LRRC26: variants seen among roughly 807,000 people sequenced by gnomAD.
LRRC26 encodes leucine-rich repeat-containing protein 26.
Under a neutral mutation model 15.3 loss-of-function variants are expected in LRRC26, and 17 were observed. That is an observed-to-expected ratio of 1.11 (90% CI 0.76 to 1.66). The LOEUF (loss-of-function observed/expected upper bound fraction) is 1.66, where lower values mean the gene tolerates loss of function less well. Among genes scored for constraint, LRRC26 ranks in the 40% most tolerant of loss-of-function variants. The probability of loss-of-function intolerance (pLI) is 0.00; values close to 1 mark genes in which losing one functional copy is unlikely to be tolerated. For missense variants in LRRC26, 573 were observed against 501.0 expected, an observed-to-expected ratio of 1.14 and a Z score of -1.37; for synonymous variants, 301 against 272.1, an observed-to-expected ratio of 1.11 and a Z score of -1.05.
chr9:137,169,632 C>G lies in LRRC26; in HGVS notation c.312G>C (p.Glu104Asp), dbSNP rs1005848011. The change falls in exon 1 of 2, where the codon GAG (glutamate) becomes GAC (aspartate). Residue 104 changes from glutamate to aspartate, a missense_variant. Coordinates refer to ENST00000371542, the MANE Select transcript of LRRC26 (RefSeq NM_001013653.3). The part of the protein sequence containing the change: ...AGALQRLDLR[E>D]NGLHSVHVRA... The stretch of plus-strand genomic sequence containing the variant: ...GCACATGCACCGAGTGCAGCCCGTT[C>G]TCGCGCAGGTCCAGGCGCTGTAGCG... 6 of 1,514,458 alleles carry G rather than the reference C, an allele frequency of 4.0e-6. No individual in the cohort carries two copies. The highest frequency in any genetic ancestry group is 2.9e-5 in the African/African-American group (2 of 69,648). 93.8% of individuals were successfully genotyped at this position (1,514,458 alleles called of 1,614,324 possible). A position where few individuals can be genotyped will look rare whatever the true frequency, so the allele number is the denominator to read the frequency against.
At position 137,169,524 on chromosome 9, in the gene LRRC26, C is replaced by T. The variant is rs1049773301; in HGVS notation, c.420G>A (p.Ala140=). Residue 140 remains alanine, a synonymous_variant, in exon 1 of 2, where the codon GCG becomes GCA. Coordinates refer to ENST00000371542, the MANE Select transcript of LRRC26 (RefSeq NM_001013653.3). ...AGAGGTTGCGCAGCGCGCGCAGCGGCGCGAAAGTCCCTGGTGCCAGTGCTT... is the reference window on the plus strand; with the variant it reads ...AGAGGTTGCGCAGCGCGCGCAGCGGTGCGAAAGTCCCTGGTGCCAGTGCTT... ...QLEALAPGTF[A]PLRALRNLSL... is the part of the protein sequence containing the mutation. The T allele has an allele frequency of 1.0e-5, 16 of 1,523,866 alleles. No homozygotes were observed. The African/African-American group carries it at 1.7e-4, about 16-fold the overall frequency. The allele number at this position is 1,523,866 out of a possible 1,614,324, so 94.4% of individuals were successfully genotyped here. A position where few individuals can be genotyped will look rare whatever the true frequency, so the allele number is the denominator to read the frequency against.
Position 137,169,040 on chromosome 9 carries a change from G to A in LRRC26, c.819C>T (p.Phe273=). The A allele has an allele frequency of 2.0e-6, 3 of 1,536,502 alleles. No homozygotes were observed. The highest frequency in any genetic ancestry group is 1.2e-5 in the South Asian group (1 of 82,554). ...CCAGGCAGGAAGCCAGGCTGACGAG[G>A]AAGGAGGCCGGCCCGAGCGTGTAAA... is the stretch of plus-strand genomic sequence containing the variant. ...AVVYTLGPAS[F]LVSLASCLAL... is the part of the protein sequence containing the mutation. The change falls in exon 2 of 2, where the codon TTC becomes TTT. Residue 273 remains phenylalanine, a synonymous_variant. Transcript: ENST00000371542.
In LRRC26 at chr9:137,169,050, G is replaced by A; in HGVS notation, c.809C>T (p.Pro270Leu). The stretch of plus-strand genomic sequence containing the variant: ...AGCCAGGCTGACGAGGAAGGAGGCC[G>A]GCCCGAGCGTGTAAACCACGGCCAG... ...RDLAVVYTLG[P>L]ASFLVSLASC... Residue 270 changes from proline (P) to leucine (L), a missense_variant, in exon 2 of 2, where the codon CCG becomes CTG. Coordinates refer to ENST00000371542, the MANE Select transcript of LRRC26 (RefSeq NM_001013653.3). 6.5e-7 allele frequency: 1 copy of A among 1,544,420 alleles called. No homozygotes were observed.
chr9:137,169,946 G>T lies in LRRC26; in HGVS notation c.-3C>A. The T allele has an allele frequency of 7.0e-7, 1 of 1,425,314 alleles. No homozygotes were observed. The highest frequency in any genetic ancestry group is 1.5e-5 in the South Asian group (1 of 68,238). 88.3% of individuals were successfully genotyped at this position (1,425,314 alleles called of 1,614,324 possible). A position where few individuals can be genotyped will look rare whatever the true frequency, so the allele number is the denominator to read the frequency against. On this transcript the variant is annotated 5_prime_UTR_variant, in exon 1 of 2. Transcript: ENST00000371542. The stretch of plus-strand genomic sequence containing the variant: ...CGCGACCAGGAAGGGCCCCGCATGG[G>T]GGCAGCCCCCCCGCCCCCGGCACCC...
In LRRC26 at chr9:137,168,801, G is replaced by C; in HGVS notation, c.*53C>G. The stretch of plus-strand genomic sequence containing the variant: ...TGTTGACGCCGGCAGACAGTGTAAA[G>C]GGAGGGCAAAGGCATGGGGGAAGCT... On this transcript the variant is annotated 3_prime_UTR_variant, in exon 2 of 2. Transcript: ENST00000371542. 2 of 1,190,190 alleles carry C rather than the reference G, an allele frequency of 1.7e-6. No homozygotes were observed. Among genetic ancestry groups the C allele is most frequent in the Non-Finnish European group, 1.0e-6 (1 of 953,592 alleles). 73.7% of individuals were successfully genotyped at this position (1,190,190 alleles called of 1,614,324 possible).
Position 137,169,801 on chromosome 9 carries a change from G to A in LRRC26, c.143C>T (p.Thr48Met), listed in dbSNP as rs887531111. 4 of 1,407,256 alleles carry A rather than the reference G, an allele frequency of 2.8e-6. No homozygotes were observed. The highest frequency in any genetic ancestry group is 1.5e-5 in the South Asian group (1 of 64,574). The allele number at this position is 1,407,256 out of a possible 1,614,324, so 87.2% of individuals were successfully genotyped here. Residue 48 changes from threonine (T) to methionine (M), a missense_variant, in exon 1 of 2, where the codon ACG (threonine) becomes ATG (methionine). Thr to Met is a moderately conservative substitution (Grantham distance 81). Transcript: ENST00000371542. ...LGAPDCPEVCTCVPGGLASCS... is the reference protein window; with the variant it reads ...LGAPDCPEVCMCVPGGLASCS... ...GCTGGCCAGGCCTCCCGGCACGCAC[G>A]TGCACACCTCGGGGCAGTCCGGGGC... is the stretch of plus-strand genomic sequence containing the variant.
At position 137,169,070 on chromosome 9, in the gene LRRC26, G is replaced by C. The variant is rs749691407; in HGVS notation, c.789C>G (p.Ala263=). ...CAQPLALRDL[A]VVYTLGPASF... ...AGGCCGGCCCGAGCGTGTAAACCAC[G>C]GCCAGGTCCCGCAGGGCGAGCGGCT... The change falls in exon 2 of 2, where the codon GCC becomes GCG. Residue 263 remains alanine, a synonymous_variant. Coordinates refer to ENST00000371542, the MANE Select transcript of LRRC26 (RefSeq NM_001013653.3). The C allele has an allele frequency of 1.8e-5, 28 of 1,557,164 alleles. No individual in the cohort carries two copies. In the African/African-American group the frequency reaches 3.7e-4, roughly 20 times the overall value.
rs1426507371 is a variant in LRRC26, at chr9:137,169,867, G to T, written c.77C>A (p.Ala26Asp). The change falls in exon 1 of 2, where the codon GCC becomes GAC. Residue 26 changes from alanine (A) to aspartate (D), a missense_variant. Ala to Asp is a moderately radical substitution (Grantham distance 126). Transcript: ENST00000371542. Reference sequence around the variant, plus strand: ...GGGCGAGGCCGTGGCCGACACCTGGGCCCAGACAGGCCAAGGCGACAGCAG... The same window carrying T: ...GGGCGAGGCCGTGGCCGACACCTGGTCCCAGACAGGCCAAGGCGACAGCAG... ...LLLLSPWPVWAQVSATASPSG... is the reference protein window; with the variant it reads ...LLLLSPWPVWDQVSATASPSG... 6.7e-7 allele frequency: 1 copy of T among 1,481,580 alleles called. No individual in the cohort carries two copies. Among genetic ancestry groups the T allele is most frequent in the Middle Eastern group, 2.2e-4 (1 of 4,624 alleles). The allele number at this position is 1,481,580 out of a possible 1,614,324, so 91.8% of individuals were successfully genotyped here.
chr9:137,169,716 C>T lies in LRRC26; in HGVS notation c.228G>A (p.Leu76=). ...CACGGACGCGGTTGTGGTCCAGCAG[C>T]AGCGCGCGCAGGCGCAGGCTCAGGC... is the stretch of plus-strand genomic sequence containing the variant. ...PPGLSLRLRA[L]LLDHNRVRAL... Residue 76 remains leucine (L), a synonymous_variant, in exon 1 of 2, where the codon CTG becomes CTA. Transcript: ENST00000371542. The T allele has an allele frequency of 6.8e-7, 1 of 1,467,010 alleles. No homozygotes were observed. The highest frequency in any genetic ancestry group is 8.9e-7 in the Non-Finnish European group (1 of 1,117,810). 90.9% of individuals were successfully genotyped at this position (1,467,010 alleles called of 1,614,324 possible).
At position 137,169,260 on chromosome 9, in the gene LRRC26, CA is replaced by C; in HGVS notation, c.673+10del. The C allele has an allele frequency of 7.3e-7, 1 of 1,372,184 alleles. No homozygotes were observed. The allele number at this position is 1,372,184 out of a possible 1,614,324, so 85.0% of individuals were successfully genotyped here. ...CCCTGCAGACCCCGACCCGCGTCCC[CA>C]GCAGCTCACCTGACGCGGGCAGCGG... On this transcript the variant is annotated intron_variant, in intron 1 of 1. Coordinates refer to ENST00000371542, the MANE Select transcript of LRRC26 (RefSeq NM_001013653.3).
Position 137,169,651 on chromosome 9 carries a change from T to C in LRRC26, c.293A>G (p.Gln98Arg), listed in dbSNP as rs747937902. 1 of 1,503,876 alleles carries C rather than the reference T, an allele frequency of 6.6e-7. No individual in the cohort carries two copies. The highest frequency in any genetic ancestry group is 1.2e-5 in the South Asian group (1 of 80,216). The allele number at this position is 1,503,876 out of a possible 1,614,324, so 93.2% of individuals were successfully genotyped here. A position where few individuals can be genotyped will look rare whatever the true frequency, so the allele number is the denominator to read the frequency against. The part of the protein sequence containing the change: ...PGAFAGAGAL[Q>R]RLDLRENGLH... ...CCCGTTCTCGCGCAGGTCCAGGCGC[T>C]GTAGCGCGCCCGCTCCCGCGAAGGC... The change falls in exon 1 of 2, where the codon CAG becomes CGG. Residue 98 changes from glutamine (Q) to arginine (R), a missense_variant. Physicochemically the swap from Gln to Arg is conservative, Grantham distance 43 (BLOSUM62 1). Coordinates refer to ENST00000371542, the MANE Select transcript of LRRC26 (RefSeq NM_001013653.3).
rs1165230523 is a variant in LRRC26 at position 137,168,918 on chromosome 9, G to A, written c.941C>T (p.Pro314Leu). The change falls in exon 2 of 2, where the codon CCC becomes CTC. Residue 314 changes from proline to leucine, a missense_variant. Physicochemically the swap from Pro to Leu is moderately conservative, Grantham distance 98. Coordinates refer to ENST00000371542, the MANE Select transcript of LRRC26 (RefSeq NM_001013653.3). ...PPRPPDPNPD[P>L]DPHGCASPAD... The stretch of plus-strand genomic sequence containing the variant: ...GGGCGAGGCACAGCCGTGGGGGTCG[G>A]GATCGGGGTTCGGGTCTGGCGGTCT... 2.2e-6 allele frequency: 3 copies of A among 1,342,150 alleles called. No individual in the cohort carries two copies. The highest frequency in any genetic ancestry group is 2.8e-6 in the Non-Finnish European group (3 of 1,053,784). The allele number at this position is 1,342,150 out of a possible 1,614,324, so 83.1% of individuals were successfully genotyped here. A position where few individuals can be genotyped will look rare whatever the true frequency, so the allele number is the denominator to read the frequency against.
rs764926946 is a variant in LRRC26, at chr9:137,169,115, G to A, written c.744C>T (p.Ala248=). The A allele has an allele frequency of 3.2e-6, 5 of 1,561,206 alleles. No homozygotes were observed. Among genetic ancestry groups the A allele is most frequent in the Non-Finnish European group, 4.3e-6 (5 of 1,160,172 alleles). The change falls in exon 2 of 2, where the codon GCC becomes GCT. Residue 248 remains alanine (A), a synonymous_variant. Transcript: ENST00000371542. ...TLSPLTAFSD[A]AFSHCAQPLA... is the part of the protein sequence containing the mutation. The stretch of plus-strand genomic sequence containing the variant: ...GCGGCTGCGCGCAATGGCTAAAGGC[G>A]GCGTCGGAAAAGGCAGTCAGGGGGC...
chr9:137,169,892 G>GCAGCAA lies in LRRC26; in HGVS notation c.46_51dup (p.Leu18_Leu19dup). 1 of 1,480,228 alleles carries GCAGCAA rather than the reference G, an allele frequency of 6.8e-7. No individual in the cohort carries two copies. The highest frequency in any genetic ancestry group is 8.9e-7 in the Non-Finnish European group (1 of 1,124,622). 91.7% of individuals were successfully genotyped at this position (1,480,228 alleles called of 1,614,324 possible). A position where few individuals can be genotyped will look rare whatever the true frequency, so the allele number is the denominator to read the frequency against. ...GCCCAGACAGGCCAAGGCGACAGCAGCAGCAACAGCAGCAGCAGCGGCCGA... is the reference window on the plus strand; with the variant it reads ...GCCCAGACAGGCCAAGGCGACAGCAGCAGCAACAGCAACAGCAGCAGCAGCGGCCGA... On this transcript the variant is annotated inframe_insertion, in exon 1 of 2. Coordinates refer to ENST00000371542, the MANE Select transcript of LRRC26 (RefSeq NM_001013653.3).
At position 137,169,120 on chromosome 9, in the gene LRRC26, C is replaced by T; in HGVS notation, c.739G>A (p.Asp247Asn). 6.4e-7 allele frequency: 1 copy of T among 1,560,462 alleles called. No individual in the cohort carries two copies. The highest frequency in any genetic ancestry group is 8.6e-7 in the Non-Finnish European group (1 of 1,159,854). The change falls in exon 2 of 2, where the codon GAC (aspartate) becomes AAC (asparagine). Residue 247 changes from aspartate to asparagine, a missense_variant. Asp to Asn is a conservative substitution (Grantham distance 23, BLOSUM62 1). Transcript: ENST00000371542. ...TGCGCGCAATGGCTAAAGGCGGCGT[C>T]GGAAAAGGCAGTCAGGGGGCTGAGC... Reference protein sequence around the residue: ...LTLSPLTAFSDAAFSHCAQPL... With the variant: ...LTLSPLTAFSNAAFSHCAQPL...
In LRRC26 at chr9:137,170,022, G is replaced by GC. The variant is rs1834063526; in HGVS notation, c.-80dup. 1.6e-5 allele frequency: 22 copies of GC among 1,344,276 alleles called. No homozygotes were observed. Among genetic ancestry groups the GC allele is most frequent in the Non-Finnish European group, 2.0e-5 (21 of 1,052,080 alleles). 83.3% of individuals were successfully genotyped at this position (1,344,276 alleles called of 1,614,324 possible). ...GTCCCTGGAGCCCGTCGTCCGCGGA[G>GC]CCCGTTCCTGCGGCGCCTGCACAAA... On this transcript the variant is annotated 5_prime_UTR_variant, in exon 1 of 2. Transcript: ENST00000371542.
Position 137,168,922 on chromosome 9 carries a change from C to G in LRRC26, c.937G>C (p.Asp313His), listed in dbSNP as rs750080775. 196 of 1,342,210 alleles carry G rather than the reference C, an allele frequency of 1.5e-4. 5 individuals carry two copies. The South Asian group carries it at 3.5e-3, about 24-fold the overall frequency. The allele number at this position is 1,342,210 out of a possible 1,614,324, so 83.1% of individuals were successfully genotyped here. A position where few individuals can be genotyped will look rare whatever the true frequency, so the allele number is the denominator to read the frequency against. ...RPPRPPDPNP[D>H]PDPHGCASPA... ...GAGGCACAGCCGTGGGGGTCGGGAT[C>G]GGGGTTCGGGTCTGGCGGTCTCGGC... Residue 313 changes from aspartate to histidine, a missense_variant, in exon 2 of 2, where the codon GAT (aspartate) becomes CAT (histidine). By Grantham distance (81) the Asp-to-His change is moderately conservative. Transcript: ENST00000371542.
At position 137,169,792 on chromosome 9, in the gene LRRC26, G is replaced by C; in HGVS notation, c.152C>G (p.Pro51Arg). 2 of 1,391,564 alleles carry C rather than the reference G, an allele frequency of 1.4e-6. No homozygotes were observed. The highest frequency in any genetic ancestry group is 1.8e-6 in the Non-Finnish European group (2 of 1,084,274). 86.2% of individuals were successfully genotyped at this position (1,391,564 alleles called of 1,614,324 possible). A position where few individuals can be genotyped will look rare whatever the true frequency, so the allele number is the denominator to read the frequency against. The change falls in exon 1 of 2, where the codon CCG becomes CGG. Residue 51 changes from proline to arginine, a missense_variant. Physicochemically the swap from Pro to Arg is moderately radical, Grantham distance 103 (BLOSUM62 -2). Coordinates refer to ENST00000371542, the MANE Select transcript of LRRC26 (RefSeq NM_001013653.3). ...PDCPEVCTCV[P>R]GGLASCSALS... ...TGCCGAGCAGCTGGCCAGGCCTCCC[G>C]GCACGCACGTGCACACCTCGGGGCA...
Position 137,169,601 on chromosome 9 carries a change from A to G in LRRC26, c.343T>C (p.Phe115Leu). 6.6e-7 allele frequency: 1 copy of G among 1,523,708 alleles called. No homozygotes were observed. The highest frequency in any genetic ancestry group is 1.2e-5 in the South Asian group (1 of 82,044). The allele number at this position is 1,523,708 out of a possible 1,614,324, so 94.4% of individuals were successfully genotyped here. A position where few individuals can be genotyped will look rare whatever the true frequency, so the allele number is the denominator to read the frequency against. Residue 115 changes from phenylalanine to leucine, a missense_variant, in exon 1 of 2, where the codon TTC becomes CTC. Physicochemically the swap from Phe to Leu is conservative, Grantham distance 22. Coordinates refer to ENST00000371542, the MANE Select transcript of LRRC26 (RefSeq NM_001013653.3). ...AGCTGCAGCGCGCCCAGGCCCCAGA[A>G]GGCTCGCACATGCACCGAGTGCAGC... is the stretch of plus-strand genomic sequence containing the variant. ...NGLHSVHVRA[F>L]WGLGALQLLD...
Sources: gnomAD v4.1 joint callset for allele counts on GRCh38, gnomAD v4.1.1 for gene constraint, MANE v1.5 for transcripts, NCBI Gene and HGNC (gene_info 2026-07-23, HGNC 2026-07-21) for gene names.